Variants in COPS2 observed in about 807,000 individuals in gnomAD.
COPS2 encodes the protein COP9 signalosome complex subunit 2.
A neutral mutation model predicts 66.1 loss-of-function variants in COPS2; 10 were observed. The ratio of observed to expected loss-of-function variants is 0.15; its 90% CI spans 0.09 to 0.26. COPS2 has a LOEUF of 0.26. COPS2 is among the 10% of genes least tolerant of loss of function. The pLI is 1.00. For synonymous variants in COPS2, 179 were observed against 171.3 expected (o/e 1.04, Z -0.35); for missense variants, 215 against 513.3 (o/e 0.42, Z 5.62).
At chr15:49,138,084 C>T (rs1360580502) in intron 4 of COPS2, among the ~76,000 whole-genome samples, 2 of 152,180 alleles carry the variant, frequency 1.3e-5, no homozygotes, top group African/African-American at 4.8e-5. Flanking sequence ...ACTGGTAAAC[C>T]ATGGAGGTGG....
At position 49,125,035 on chromosome 15, in the gene COPS2, C is replaced by A. The variant is rs2084154540; in HGVS notation, c.*2915G>T. The A allele has an allele frequency of 6.6e-6, 1 of 152,094 alleles. No homozygotes were observed. The highest frequency in any genetic ancestry group is 6.5e-5 in the Admixed American group (1 of 15,272). 9.4% of individuals were successfully genotyped at this position (152,094 alleles called of 1,614,324 possible). On this transcript the variant is annotated 3_prime_UTR_variant, in exon 13 of 13. Coordinates refer to ENST00000388901, the MANE Select transcript of COPS2 (RefSeq NM_004236.4). ...AAATTTCCCACAAAATTTCTACCAT[C>A]ATGGATATTTTAAATATTAAGAATA...
intron 8 of COPS2, 32 bp downstream of exon 8, chr15:49,133,895 CTGA>C (rs747280959): frequency 6.4e-7 from 1 of 1,562,630 alleles, no homozygotes; most frequent in Non-Finnish European, 8.7e-7. Flanking sequence ...TTCCAGATAG[CTGA>C]TAAGAGAAAT....
intron 3 of COPS2, among the ~76,000 whole-genome samples, chr15:49,142,317 C>A (rs2084294510): frequency 6.6e-6 from 1 of 152,082 alleles, no homozygotes; most frequent in Non-Finnish European, 1.5e-5. Context: ...AAGAAATGAA[C>A]AAAGACATTT....
At position 49,125,463 on chromosome 15, in the gene COPS2, C is replaced by G. The variant is rs2084158478; in HGVS notation, c.*2487G>C. ...ACACATTACAATATGATGTAAACCACTGGTATGGTTTTCACAAAAGTGGAA... is the reference window on the plus strand; with the variant it reads ...ACACATTACAATATGATGTAAACCAGTGGTATGGTTTTCACAAAAGTGGAA... On this transcript the variant is annotated 3_prime_UTR_variant, in exon 13 of 13. Coordinates refer to ENST00000388901, the MANE Select transcript of COPS2 (RefSeq NM_004236.4). 1 of 152,026 alleles carries G rather than the reference C, an allele frequency of 6.6e-6. No homozygotes were observed. The highest frequency in any genetic ancestry group is 2.4e-5 in the African/African-American group (1 of 41,414). The allele number at this position is 152,026 out of a possible 1,614,324, so 9.4% of individuals were successfully genotyped here. A position where few individuals can be genotyped will look rare whatever the true frequency, so the allele number is the denominator to read the frequency against.
intron 3 of COPS2, among the ~76,000 whole-genome samples, chr15:49,141,421 G>A (rs770540637): frequency 3.9e-5 from 6 of 152,056 alleles, no homozygotes; most frequent in South Asian, 2.1e-4. Flanking sequence ...GCTTGAGCCC[G>A]GGAGGCAGAG....
At chr15:49,133,179 G>A (rs541959470) in intron 9 of COPS2, among the ~76,000 whole-genome samples, 87 of 151,958 alleles carry the variant, frequency 5.7e-4, no homozygotes, top group African/African-American at 1.9e-3. Flanking sequence ...TAGTAGAGAC[G>A]GGGTTTCACC....
At chr15:49,139,498 T>G in intron 4 of COPS2, 30 bp downstream of exon 4, 1 of 1,550,814 alleles carries the variant, frequency 6.4e-7, no homozygotes, top group Non-Finnish European at 8.9e-7. Flanking sequence ...AACACACTGA[T>G]CGTCCCAAGA....
chr15:49,147,266 C>CT (rs543821738), intron 1 of COPS2, among the ~76,000 whole-genome samples: 198 of 152,048 alleles, frequency 1.3e-3, no homozygotes, highest in Non-Finnish European at 1.8e-3. Context: ...CAGAAAATTA[C>CT]TTTTTTTTGC....
chr15:49,143,284 T>G (rs189342749), intron 3 of COPS2, among the ~76,000 whole-genome samples: 46 of 152,174 alleles, frequency 3.0e-4, no homozygotes, highest in African/African-American at 1.1e-3. Context: ...GGTAAGAATT[T>G]TGGATTTTAC....
intron 1 of COPS2, among the ~76,000 whole-genome samples, chr15:49,153,090 C>T (rs1178910307): frequency 6.6e-6 from 1 of 152,036 alleles, no homozygotes; most frequent in Non-Finnish European, 1.5e-5. Flanking sequence ...TAAGCAGAAA[C>T]ACTTACAAAC....
intron 3 of COPS2, among the ~76,000 whole-genome samples, chr15:49,142,712 C>T (rs973071595): frequency 2.6e-5 from 4 of 152,082 alleles, no homozygotes; most frequent in Non-Finnish European, 1.5e-5. Flanking sequence ...TTTTTCCCTC[C>T]GCTTCTACCC....
In COPS2 at chr15:49,130,676, T is replaced by C. The variant is rs759057773; in HGVS notation, c.1045+43A>G. ...TCATTAAGTGGCATTTCTTTGACAG[T>C]GGCAAAGAAAGTAATAGAATCCAGT... On this transcript the variant is annotated intron_variant, in intron 10 of 12. Coordinates refer to ENST00000388901, the MANE Select transcript of COPS2 (RefSeq NM_004236.4). The C allele has an allele frequency of 6.7e-6, 8 of 1,199,564 alleles. No individual in the cohort carries two copies. The South Asian group carries it at 9.2e-5, about 14-fold the overall frequency. The allele number at this position is 1,199,564 out of a possible 1,614,324, so 74.3% of individuals were successfully genotyped here.
intron 9 of COPS2, among the ~76,000 whole-genome samples, chr15:49,133,227 A>G (rs1239128558): frequency 6.6e-6 from 1 of 152,120 alleles, no homozygotes; most frequent in African/African-American, 2.4e-5. Context: ...TGATCTTGTG[A>G]TCCACCCGCC....
intron 6 of COPS2, among the ~76,000 whole-genome samples, chr15:49,136,701 T>C (rs1183684038): frequency 1.3e-5 from 2 of 152,074 alleles, no homozygotes. Context: ...AGAATAAAGA[T>C]TGAGGGGCCA....
At chr15:49,140,160 AT>A (rs879828608) in intron 3 of COPS2, among the ~76,000 whole-genome samples, 493 of 138,286 alleles carry the variant, frequency 3.6e-3, no homozygotes, top group Non-Finnish European at 3.3e-3. Context: ...CTAATTTTGT[AT>A]TTTTTTTTTT....
intron 9 of COPS2, 148 bp downstream of exon 9, chr15:49,133,611 C>A (rs917540237): frequency 3.5e-6 from 2 of 573,210 alleles, no homozygotes; most frequent in Non-Finnish European, 3.1e-6. Context: ...TAATAAATAA[C>A]CTCAGAAGAT....
In COPS2 at chr15:49,134,574, C is replaced by T. The variant is rs1463323168; in HGVS notation, c.541-60G>A. ...GAATTCAGACAGTAATTCTTATTTG[C>T]ATTAGCCTGGAAATCTTACATTTAT... On this transcript the variant is annotated intron_variant, in intron 6 of 12. Transcript: ENST00000388901. 5 of 1,312,162 alleles carry T rather than the reference C, an allele frequency of 3.8e-6. No homozygotes were observed. The African/African-American group carries it at 7.4e-5, about 19-fold the overall frequency. The allele number at this position is 1,312,162 out of a possible 1,614,324, so 81.3% of individuals were successfully genotyped here.
intron 9 of COPS2, among the ~76,000 whole-genome samples, chr15:49,131,311 A>C (rs3105859): frequency 0.95 from 143,963 of 151,870 alleles, 68,732 homozygotes; most frequent in East Asian, 1. Flanking sequence ...TAATTTTTAT[A>C]TTCTAGAAAG....
chr15:49,144,949 G>A lies in COPS2; in HGVS notation c.168+16C>T, dbSNP rs759460799. On this transcript the variant is annotated intron_variant, in intron 2 of 12. Coordinates refer to ENST00000388901, the MANE Select transcript of COPS2 (RefSeq NM_004236.4). ...AAAAAATTAACACATAGAATCAAAT[G>A]GAAAAGAATATAAACCTTTTGGAAA... is the stretch of plus-strand genomic sequence containing the variant. 7 of 1,407,492 alleles carry A rather than the reference G, an allele frequency of 5.0e-6. No homozygotes were observed. Among genetic ancestry groups the A allele is most frequent in the South Asian group, 1.3e-5 (1 of 78,882 alleles). 87.2% of individuals were successfully genotyped at this position (1,407,492 alleles called of 1,614,324 possible).
Sources: gnomAD v4.1 joint callset for allele counts (sites outside exome capture counted in the v4.1 genomes callset) on GRCh38, gnomAD v4.1.1 for gene constraint, MANE v1.5 for transcripts, NCBI Gene and HGNC (gene_info 2026-07-23, HGNC 2026-07-21) for gene names.